Variants in NSG2 observed in about 807,000 individuals in gnomAD.
NSG2 encodes the protein neuronal vesicle trafficking associated 2.
NSG2 carries 4 observed loss-of-function variants against 16.9 expected under a neutral mutation model. The ratio of observed to expected loss-of-function variants is 0.24; its 90% CI spans 0.12 to 0.54. The LOEUF (loss-of-function observed/expected upper bound fraction) is 0.54, where lower values mean the gene tolerates loss of function less well. Ranked by LOEUF, NSG2 falls within the 20% of genes least tolerant of loss-of-function variation. The probability of loss-of-function intolerance (pLI) is 0.95; values close to 1 mark genes in which losing one functional copy is unlikely to be tolerated. For missense variants in NSG2, 179 were observed against 221.1 expected, an observed-to-expected ratio of 0.81 and a Z score of 1.21; for synonymous variants, 98 against 88.7, an observed-to-expected ratio of 1.11 and a Z score of -0.59.
In NSG2 at chr5:174,107,234, C is replaced by A; in HGVS notation, c.325-80C>A. On this transcript the variant is annotated intron_variant, in intron 4 of 4. Coordinates refer to ENST00000303177, the MANE Select transcript of NSG2 (RefSeq NM_015980.5). The surrounding 1 kb of genome is among the most constrained non-coding windows in gnomAD (Gnocchi z 4.5). ...GCTGACAGCCCGATGCAGCTGCACT[C>A]CAGTCAGGGTGGCTGTGTTGCTGGG... 7.6e-7 allele frequency: 1 copy of A among 1,308,246 alleles called. No individual in the cohort carries two copies. Among genetic ancestry groups the A allele is most frequent in the Non-Finnish European group, 1.0e-6 (1 of 958,500 alleles). The allele number at this position is 1,308,246 out of a possible 1,614,324, so 81.0% of individuals were successfully genotyped here. A position where few individuals can be genotyped will look rare whatever the true frequency, so the allele number is the denominator to read the frequency against.
chr5:174,100,050 G>T (rs774713748), intron 3 of NSG2, among the ~76,000 whole-genome samples: 2 of 152,230 alleles, frequency 1.3e-5, no homozygotes, highest in Non-Finnish European at 2.9e-5. Context: ...CCAAAATTCA[G>T]GACAGGGAGG....
intron 3 of NSG2, among the ~76,000 whole-genome samples, chr5:174,104,006 AC>A (rs111376204): frequency 1.3e-5 from 2 of 152,104 alleles, no homozygotes; most frequent in Non-Finnish European, 2.9e-5. Flanking sequence ...AACAAAAAAA[AC>A]CAAAACAAAA....
At chr5:174,089,343 G>T (rs1760685362) in intron 3 of NSG2, among the ~76,000 whole-genome samples, 1 of 152,180 alleles carries the variant, frequency 6.6e-6, no homozygotes, top group Non-Finnish European at 1.5e-5. Flanking sequence ...ATCCTGCAGT[G>T]CAAGGAGGCA....
In NSG2 at chr5:174,059,562, G is replaced by C. The variant is rs142270963; in HGVS notation, c.130-4670G>C. Among the ~76,000 whole-genome samples the C allele has an allele frequency of 9.4e-3, 1,439 of 152,298 alleles. 24 individuals are homozygous for C. The highest frequency in any genetic ancestry group is 0.028 in the African/African-American group (1,180 of 41,548). ...GTTTTCTTGGAAGACATGTGTATCA[G>C]ATAGAAAGCTTTTAGTTTCAAGTAA... On this transcript the variant is annotated intron_variant, in intron 2 of 4. Coordinates refer to ENST00000303177, the MANE Select transcript of NSG2 (RefSeq NM_015980.5).
intron 2 of NSG2, among the ~76,000 whole-genome samples, chr5:174,052,199 A>G (rs879329719): frequency 2.0e-5 from 3 of 152,140 alleles, no homozygotes; most frequent in Non-Finnish European, 2.9e-5. Flanking sequence ...AGTTGCCTGA[A>G]GCACCCCCGA....
At chr5:174,049,197 G>C (rs1044660417) in intron 2 of NSG2, among the ~76,000 whole-genome samples, 2 of 152,030 alleles carry the variant, frequency 1.3e-5, no homozygotes, top group African/African-American at 4.8e-5. Context: ...AAAATTAGCC[G>C]GGCGTGGTGG....
At chr5:174,052,262 A>G (rs1003959477) in intron 2 of NSG2, among the ~76,000 whole-genome samples, 1 of 152,192 alleles carries the variant, frequency 6.6e-6, no homozygotes, top group Non-Finnish European at 1.5e-5. Context: ...GAAGGCCACT[A>G]CTACATTCAG....
At chr5:174,096,642 G>A (rs1038559187) in intron 3 of NSG2, among the ~76,000 whole-genome samples, 7 of 152,176 alleles carry the variant, frequency 4.6e-5, no homozygotes, top group Non-Finnish European at 2.9e-5. Flanking sequence ...CCTAGAGGCT[G>A]GAGGCCCAGG....
intron 3 of NSG2, among the ~76,000 whole-genome samples, chr5:174,083,244 C>T (rs982665106): frequency 2.6e-5 from 4 of 152,242 alleles, no homozygotes; most frequent in Non-Finnish European, 4.4e-5. Flanking sequence ...GTGCCTGGCC[C>T]AGGGCCAGCG....
intron 3 of NSG2, among the ~76,000 whole-genome samples, chr5:174,097,537 A>G (rs73326844): frequency 0.14 from 19,808 of 144,346 alleles, 1,645 homozygotes; most frequent in African/African-American, 0.24. Context: ...GTGTAACTAT[A>G]TGTGTGTGTC....
At chr5:174,106,583 C>CTTTTTT (rs752375646) in intron 4 of NSG2, among the ~76,000 whole-genome samples, 11 of 93,488 alleles carry the variant, frequency 1.2e-4, no homozygotes, top group East Asian at 5.5e-4. Flanking sequence ...GGAATGAAGC[C>CTTTTTT]TTTTTTTTTT....
At chr5:174,047,552 A>G (rs527810844) in intron 2 of NSG2, among the ~76,000 whole-genome samples, 3 of 152,206 alleles carry the variant, frequency 2.0e-5, no homozygotes, top group Non-Finnish European at 4.4e-5. Flanking sequence ...CTGGCAGACC[A>G]TGGAGTGGGG....
At chr5:174,052,190 G>A (rs1759899481) in intron 2 of NSG2, among the ~76,000 whole-genome samples, 1 of 152,158 alleles carries the variant, frequency 6.6e-6, no homozygotes, top group East Asian at 1.9e-4. Flanking sequence ...GGGTGACTGA[G>A]TTGCCTGAAG....
intron 3 of NSG2, among the ~76,000 whole-genome samples, chr5:174,099,677 G>A (rs1397908187): frequency 2.0e-5 from 3 of 152,156 alleles, no homozygotes; most frequent in Non-Finnish European, 2.9e-5. Context: ...GGCCTGTGAT[G>A]CCTCTAGAAC....
intron 3 of NSG2, among the ~76,000 whole-genome samples, chr5:174,071,756 G>A (rs955571498): frequency 6.6e-6 from 1 of 152,132 alleles, no homozygotes; most frequent in Non-Finnish European, 1.5e-5. Flanking sequence ...GGCTCAGAGA[G>A]GCAGAGCGAG....
At chr5:174,047,030 C>T (rs1759812281) in intron 2 of NSG2, 146 bp downstream of exon 2, 9 of 798,776 alleles carry the variant, frequency 1.1e-5, no homozygotes, top group Non-Finnish European at 1.8e-5. Flanking sequence ...TTATTCCTTC[C>T]AGAGCCAAGA....
At chr5:174,070,545 A>G (rs1393629547) in intron 3 of NSG2, among the ~76,000 whole-genome samples, 1 of 151,990 alleles carries the variant, frequency 6.6e-6, no homozygotes, top group Admixed American at 6.6e-5. Flanking sequence ...TGTCGTTATT[A>G]ATATTGGTTC....
chr5:174,052,741 A>G (rs548408586), intron 2 of NSG2, among the ~76,000 whole-genome samples: 1 of 152,328 alleles, frequency 6.6e-6, no homozygotes, highest in South Asian at 2.1e-4. Context: ...AAACAGGCTC[A>G]GACAGGTGGA....
chr5:174,103,067 G>A (rs531357968), intron 3 of NSG2, among the ~76,000 whole-genome samples: 2 of 151,504 alleles, frequency 1.3e-5, no homozygotes, highest in East Asian at 3.9e-4. Context: ...GAGATTACAG[G>A]TGTGAGCCAC....
Sources: allele counts gnomAD v4.1 joint callset (sites outside exome capture counted in the v4.1 genomes callset), GRCh38; gene constraint gnomAD v4.1.1; non-coding constraint Gnocchi (gnomAD v3.1); transcripts MANE v1.5; gene names NCBI Gene and HGNC (gene_info 2026-07-23, HGNC 2026-07-21).